The following CGGBP1 variants were observed in gnomAD, a reference collection of about 807,000 sequenced individuals.
CGGBP1 encodes CGG triplet repeat-binding protein 1.
Under a neutral mutation model 11.4 loss-of-function variants are expected in CGGBP1, and 4 were observed. The ratio of observed to expected loss-of-function variants is 0.35; its 90% CI spans 0.17 to 0.80. The LOEUF is 0.80. Ranked by LOEUF, CGGBP1 falls within the 30% of genes least tolerant of loss-of-function variation. The pLI is 0.52. For synonymous variants in CGGBP1, 76 were observed against 74.1 expected (o/e 1.03, Z -0.13); for missense variants, 135 against 202.1 (o/e 0.67, Z 2.01).
chr3:88,059,437 G>A (rs1207188959), upstream of CGGBP1: 2 of 1,522,074 alleles, frequency 1.3e-6, no homozygotes, highest in Admixed American at 2.1e-5. Context: ...CAGAGGCGGC[G>A]CTGGCAGCGG....
chr3:88,070,429 CTTT>C (rs928226050), intron 2 of CGGBP1, among the ~76,000 whole-genome samples: 1 of 145,426 alleles, frequency 6.9e-6, no homozygotes, highest in Non-Finnish European at 1.5e-5. Context: ...ATCCAAATTT[CTTT>C]TTTTTTTTAA....
intron 2 of CGGBP1, among the ~76,000 whole-genome samples, chr3:88,068,636 A>G (rs1338208903): frequency 2.0e-5 from 3 of 152,160 alleles, no homozygotes. Flanking sequence ...GGAATGCTTT[A>G]TATATGTATA....
chr3:88,090,189 G>A (rs896996181), intron 2 of CGGBP1, among the ~76,000 whole-genome samples: 1 of 152,080 alleles, frequency 6.6e-6, no homozygotes, highest in South Asian at 2.1e-4. Flanking sequence ...CCACAGGCAG[G>A]TTCTTCTGAA....
chr3:88,129,321 T>TAAAAAAAAAAA (rs11370327), intron 2 of CGGBP1, among the ~76,000 whole-genome samples: 2 of 76,946 alleles, frequency 2.6e-5, no homozygotes, highest in Non-Finnish European at 4.8e-5. Context: ...TTGCCAGGAG[T>TAAAAAAAAAAA]AAAAAAAAAA....
intron 2 of CGGBP1, among the ~76,000 whole-genome samples, chr3:88,074,460 G>T (rs4858991): frequency 1.3e-5 from 2 of 151,550 alleles, no homozygotes; most frequent in Non-Finnish European, 2.9e-5. Context: ...TCCTGCCTCA[G>T]CCTCCCAAGT....
chr3:88,098,354 A>C lies in CGGBP1; in HGVS notation c.-228-40131T>G, dbSNP rs189173244. On this transcript the variant is annotated intron_variant, in intron 2 of 3. Transcript: ENST00000462901. ...GCAATAATTAATAGCTTACCAACCA[A>C]AAAGGGTCCAGGACCAGATGGATTC... is the stretch of plus-strand genomic sequence containing the variant. Among the ~76,000 whole-genome samples, 812 of 152,318 alleles carry C rather than the reference A, an allele frequency of 5.3e-3. 5 individuals are homozygous for C. The highest frequency in any genetic ancestry group is 0.017 in the African/African-American group (699 of 41,560).
intron 2 of CGGBP1, among the ~76,000 whole-genome samples, chr3:88,116,449 G>C: frequency 6.6e-6 from 1 of 150,518 alleles, no homozygotes; most frequent in South Asian, 2.1e-4. Flanking sequence ...GAACCTGAGA[G>C]GCAGAGGTTG....
chr3:88,060,089 CAG>C (rs747136360), upstream of CGGBP1, among the ~76,000 whole-genome samples: 1 of 152,134 alleles, frequency 6.6e-6, no homozygotes, highest in Non-Finnish European at 1.5e-5. Context: ...TTTTTTCGGA[CAG>C]AGAGTGCGTT....
intron 2 of CGGBP1, among the ~76,000 whole-genome samples, chr3:88,094,804 T>TA (rs1310468487): frequency 6.6e-6 from 1 of 152,082 alleles, no homozygotes; most frequent in Non-Finnish European, 1.5e-5. Flanking sequence ...CTTTTTAACT[T>TA]CCTTCCCACT....
At position 88,053,580 on chromosome 3, in the gene CGGBP1, T is replaced by C. The variant is rs147514915; in HGVS notation, c.*1893A>G. On this transcript the variant is annotated 3_prime_UTR_variant, in exon 4 of 4. Coordinates refer to ENST00000482016, the MANE Select transcript of CGGBP1 (RefSeq NM_001008390.2). ...ATCTGCCATTACATTTTGCTATTAG[T>C]GCAAATTAATACCCAAATAATAGGG... is the stretch of plus-strand genomic sequence containing the variant. The C allele has an allele frequency of 7.2e-5, 11 of 152,550 alleles. No individual in the cohort carries two copies. The East Asian group carries it at 2.1e-3, about 29-fold the overall frequency. The allele number at this position is 152,550 out of a possible 1,614,324, so 9.4% of individuals were successfully genotyped here. A position where few individuals can be genotyped will look rare whatever the true frequency, so the allele number is the denominator to read the frequency against.
At chr3:88,061,889 T>C (rs1044934355), upstream of CGGBP1, among the ~76,000 whole-genome samples, 1 of 152,166 alleles carries the variant, frequency 6.6e-6, no homozygotes, top group Non-Finnish European at 1.5e-5. Flanking sequence ...GTACATGAAT[T>C]ATACAGACAG....
chr3:88,139,134 A>G (rs1706970116), intron 2 of CGGBP1: 3 of 1,303,486 alleles, frequency 2.3e-6, no homozygotes, highest in Middle Eastern at 2.9e-4. Flanking sequence ...TCTAAAAAGG[A>G]CGGAGGAACA....
At chr3:88,147,477 A>G (rs923929643) in intron 1 of CGGBP1, among the ~76,000 whole-genome samples, 2 of 152,182 alleles carry the variant, frequency 1.3e-5, no homozygotes, top group African/African-American at 4.8e-5. Flanking sequence ...TAGTCTGGAG[A>G]GATTGACAGA....
At chr3:88,118,863 A>G (rs1345065395) in intron 2 of CGGBP1, among the ~76,000 whole-genome samples, 1 of 151,858 alleles carries the variant, frequency 6.6e-6, no homozygotes, top group Non-Finnish European at 1.5e-5. Context: ...TAGAATGGCA[A>G]TCATTAAAAA....
chr3:88,088,660 A>G (rs1192046001), intron 2 of CGGBP1, among the ~76,000 whole-genome samples: 1 of 152,120 alleles, frequency 6.6e-6, no homozygotes, highest in Non-Finnish European at 1.5e-5. Flanking sequence ...ATTTGTATAT[A>G]TTTGAAATTG....
At chr3:88,131,274 T>C (rs1706444713) in intron 2 of CGGBP1, among the ~76,000 whole-genome samples, 1 of 152,242 alleles carries the variant, frequency 6.6e-6, no homozygotes, top group Non-Finnish European at 1.5e-5. Flanking sequence ...ACCACTGTTG[T>C]ATACGCAGTC....
At chr3:88,094,951 C>G (rs1646193298) in intron 2 of CGGBP1, among the ~76,000 whole-genome samples, 1 of 152,026 alleles carries the variant, frequency 6.6e-6, no homozygotes, top group South Asian at 2.1e-4. Context: ...CTGCTTCTTA[C>G]AAAGAAAACT....
At chr3:88,084,211 A>G (rs1290005723) in intron 2 of CGGBP1, among the ~76,000 whole-genome samples, 7 of 152,190 alleles carry the variant, frequency 4.6e-5, no homozygotes, top group African/African-American at 1.7e-4. Context: ...AGGAAGCTAT[A>G]ATGAGAACAG....
chr3:88,065,859 C>T (rs1374660354), intron 2 of CGGBP1, among the ~76,000 whole-genome samples: 1 of 152,118 alleles, frequency 6.6e-6, no homozygotes, highest in Non-Finnish European at 1.5e-5. Context: ...CCCCCACCCC[C>T]AGTAGCTGGG....
Sources: allele counts gnomAD v4.1 joint callset (sites outside exome capture counted in the v4.1 genomes callset), GRCh38; gene constraint gnomAD v4.1.1; transcripts MANE v1.5; gene names NCBI Gene and HGNC (gene_info 2026-07-23, HGNC 2026-07-21).